The following STK24 variants were observed in gnomAD, a reference collection of about 807,000 sequenced individuals.
The protein encoded by STK24 is serine/threonine kinase 24.
In STK24, 21 loss-of-function variants were observed where a neutral mutation model predicts 55.6. That is an observed-to-expected ratio of 0.38 (90% CI 0.27 to 0.54). The LOEUF (loss-of-function observed/expected upper bound fraction) is 0.54. Ranked by LOEUF, STK24 falls within the 20% of genes least tolerant of loss-of-function variation. STK24 has a pLI of 0.79. For synonymous variants in STK24, 200 were observed against 215.2 expected (o/e 0.93, Z 0.62); for missense variants, 383 against 538.4 (o/e 0.71, Z 2.86).
chr13:98,535,401 ACACACACAC>A (rs1594649232), intron 1 of STK24, among the ~76,000 whole-genome samples: 1 of 1,078 alleles, frequency 9.3e-4, no homozygotes, highest in East Asian at 0.083. Context: ...GTGTGTATAC[ACACACACAC>A]ACACACACAC....
chr13:98,572,242 A>G (rs1897762430), intron 1 of STK24, among the ~76,000 whole-genome samples: 1 of 152,100 alleles, frequency 6.6e-6, no homozygotes, highest in Non-Finnish European at 1.5e-5. Context: ...TATACTCTGC[A>G]GGCTCCCCTG....
At chr13:98,540,898 A>G (rs1896869182) in intron 1 of STK24, among the ~76,000 whole-genome samples, 1 of 152,006 alleles carries the variant, frequency 6.6e-6, no homozygotes, top group Non-Finnish European at 1.5e-5. Context: ...AACAGGACCC[A>G]TTTAAGATTA....
rs1362217732 is a variant in STK24 at position 98,533,722 on chromosome 13, C to T, written c.43-14249G>A. ...AAAAATGAGAAAAACACTACTATAC[C>T]ACCTAGATCAGTTTATCGCCTGTGG... On this transcript the variant is annotated intron_variant, in intron 1 of 10. Transcript: ENST00000539966. Among the ~76,000 whole-genome samples the T allele has an allele frequency of 2.0e-5, 3 of 152,142 alleles. No homozygotes were observed. The East Asian group carries it at 5.8e-4, about 29-fold the overall frequency.
intron 5 of STK24, among the ~76,000 whole-genome samples, chr13:98,470,000 T>C (rs929706364): frequency 2.0e-5 from 3 of 152,230 alleles, no homozygotes; most frequent in Non-Finnish European, 2.9e-5. Flanking sequence ...GCATTACTTA[T>C]GTTCAACCTC....
intron 1 of STK24, among the ~76,000 whole-genome samples, chr13:98,575,554 A>T (rs1897867211): frequency 6.6e-6 from 1 of 152,276 alleles, no homozygotes; most frequent in South Asian, 2.1e-4. Context: ...GTTTCAAAAA[A>T]AGAAGGGAGA....
Position 98,555,031 on chromosome 13 carries a change from A to AAG in STK24, c.42+21713_42+21714insCT, listed in dbSNP as rs796089922. 1.4e-3 allele frequency among the ~76,000 whole-genome samples: 200 copies of AAG among 143,622 alleles called. 1 individual carries two copies. The highest frequency in any genetic ancestry group is 9.3e-3 in the South Asian group (42 of 4,522). 94.2% of individuals were successfully genotyped at this position (143,622 alleles called of 152,430 possible). ...CTCCAACTCAAAAAAAAAAAAAAAAAAAAGAAAGAAAAAATAGTTTAAGAA... is the reference window on the plus strand; with the variant it reads ...CTCCAACTCAAAAAAAAAAAAAAAAAAGAAAGAAAGAAAAAATAGTTTAAGAA... On this transcript the variant is annotated intron_variant, in intron 1 of 10. Transcript: ENST00000539966.
intron 5 of STK24, among the ~76,000 whole-genome samples, chr13:98,469,064 G>A (rs532111823): frequency 2.6e-5 from 4 of 152,314 alleles, no homozygotes; most frequent in African/African-American, 4.8e-5. Context: ...TCAGAGGCCC[G>A]AGGACTTGCT....
intron 1 of STK24, among the ~76,000 whole-genome samples, chr13:98,530,127 A>G (rs1325935944): frequency 2.6e-5 from 4 of 152,066 alleles, no homozygotes; most frequent in Non-Finnish European, 4.4e-5. Flanking sequence ...GCACACACAC[A>G]CACAGAGCTG....
chr13:98,560,806 A>G (rs1291888103), intron 1 of STK24, among the ~76,000 whole-genome samples: 2 of 151,794 alleles, frequency 1.3e-5, no homozygotes, highest in African/African-American at 4.8e-5. Context: ...GCTTGAACCC[A>G]GGAGACAGAG....
intron 2 of STK24, among the ~76,000 whole-genome samples, chr13:98,498,562 C>G (rs563735265): frequency 2.5e-4 from 38 of 152,258 alleles, no homozygotes; most frequent in Middle Eastern, 6.8e-3. Flanking sequence ...TTGGGATGAG[C>G]CCCTAAATTC....
intron 10 of STK24, chr13:98,456,680 C>G: frequency 2.6e-6 from 1 of 391,320 alleles, no homozygotes; most frequent in Non-Finnish European, 5.2e-6. Flanking sequence ...CAGGCTGGCA[C>G]AGATGAACCC....
At chr13:98,536,133 G>A (rs1311874672) in intron 1 of STK24, among the ~76,000 whole-genome samples, 2 of 151,908 alleles carry the variant, frequency 1.3e-5, no homozygotes, top group African/African-American at 4.8e-5. Context: ...AGGAACACAC[G>A]TATCCTGCCC....
intron 2 of STK24, among the ~76,000 whole-genome samples, chr13:98,484,801 A>G (rs1406180840): frequency 1.3e-5 from 2 of 152,200 alleles, no homozygotes; most frequent in Non-Finnish European, 2.9e-5. Context: ...CTCTCTACCC[A>G]GAGCAAACCC....
At chr13:98,479,261 G>A (rs1894499336) in intron 3 of STK24, among the ~76,000 whole-genome samples, 1 of 152,180 alleles carries the variant, frequency 6.6e-6, no homozygotes, top group Admixed American at 6.5e-5. Context: ...GGATCATATA[G>A]ACACTTAATT....
chr13:98,456,854 A>G (rs567686175), intron 10 of STK24: 1 of 464,582 alleles, frequency 2.2e-6, no homozygotes, highest in Non-Finnish European at 3.9e-6. Flanking sequence ...AAGAACGATC[A>G]TTCTCTGGCC....
chr13:98,470,736 T>A (rs1257674771), intron 5 of STK24, among the ~76,000 whole-genome samples: 1 of 152,202 alleles, frequency 6.6e-6, no homozygotes, highest in Non-Finnish European at 1.5e-5. Flanking sequence ...TGCAACAGCA[T>A]CCTACATCTT....
intron 2 of STK24, among the ~76,000 whole-genome samples, chr13:98,506,463 A>G (rs1270538774): frequency 6.6e-6 from 1 of 152,246 alleles, no homozygotes; most frequent in Non-Finnish European, 1.5e-5. Context: ...GTGCAGGACC[A>G]CAAAACCAAA....
Position 98,452,140 on chromosome 13 carries a change from T to G in STK24, c.*1033A>C, listed in dbSNP as rs1893226284. ...GTGCCCTGTCCTCTGAAGAGTCACATTTCAAGGAGTATGCAAAATAAGCGT... is the reference window on the plus strand; with the variant it reads ...GTGCCCTGTCCTCTGAAGAGTCACAGTTCAAGGAGTATGCAAAATAAGCGT... On this transcript the variant is annotated 3_prime_UTR_variant, in exon 11 of 11. Transcript: ENST00000539966. 6.6e-6 allele frequency: 1 copy of G among 152,154 alleles called. No homozygotes were observed. The highest frequency in any genetic ancestry group is 1.5e-5 in the Non-Finnish European group (1 of 68,028). The allele number at this position is 152,154 out of a possible 1,614,324, so 9.4% of individuals were successfully genotyped here.
chr13:98,504,063 C>T (rs1163585757), intron 2 of STK24, among the ~76,000 whole-genome samples: 2 of 152,244 alleles, frequency 1.3e-5, no homozygotes, highest in Non-Finnish European at 2.9e-5. Flanking sequence ...AAATCGACTT[C>T]TCCCAGCAGC....
Sources: gnomAD v4.1 joint callset for allele counts (sites outside exome capture counted in the v4.1 genomes callset) on GRCh38, gnomAD v4.1.1 for gene constraint, MANE v1.5 for transcripts, NCBI Gene and HGNC (gene_info 2026-07-23, HGNC 2026-07-21) for gene names.